The following DOCK4 variants were observed in gnomAD, a reference collection of about 807,000 sequenced individuals.
DOCK4 encodes the protein dedicator of cytokinesis protein 4.
A neutral mutation model predicts 268.1 loss-of-function variants in DOCK4; 97 were observed. That is an observed-to-expected ratio of 0.36 (90% CI 0.31 to 0.43). The LOEUF is 0.43. DOCK4 is among the 20% of genes least tolerant of loss of function. The pLI is 1.00. For missense variants in DOCK4, 2,145 were observed against 2,455.7 expected (o/e 0.87, Z 2.67); for synonymous variants, 954 against 887.2 (o/e 1.08, Z -1.34).
At chr7:111,970,041 G>A (rs1044690759) in intron 8 of DOCK4, among the ~76,000 whole-genome samples, 6 of 152,156 alleles carry the variant, frequency 3.9e-5, no homozygotes, top group East Asian at 3.9e-4. Flanking sequence ...GACGATCAGT[G>A]ATTTCCCCTC....
At chr7:112,023,779 CAACTT>C (rs1802542323) in intron 1 of DOCK4, 2 of 259,404 alleles carry the variant, frequency 7.7e-6, no homozygotes, top group South Asian at 4.2e-5. Flanking sequence ...AGAAAATCCT[CAACTT>C]ATCAATTAAT....
At chr7:111,889,279 A>AT (rs1231370047) in intron 16 of DOCK4, among the ~76,000 whole-genome samples, 1 of 152,178 alleles carries the variant, frequency 6.6e-6, no homozygotes, top group Non-Finnish European at 1.5e-5. Flanking sequence ...CAATTCTTCT[A>AT]TACCAAAGCC....
intron 1 of DOCK4, among the ~76,000 whole-genome samples, chr7:112,033,600 G>C (rs902069127): frequency 6.6e-6 from 1 of 152,086 alleles, no homozygotes; most frequent in Admixed American, 6.5e-5. Context: ...TTTCAGTTAG[G>C]ACTGTACTTA....
rs149453859 is a variant in DOCK4, at chr7:111,799,927, C to T, written c.3166+8894G>A. On this transcript the variant is annotated intron_variant, in intron 30 of 52. Coordinates refer to ENST00000428084, the MANE Select transcript of DOCK4 (RefSeq NM_001363540.2). ...CACTACTAATTGCAATAAAACTATA[C>T]ACTGTGTCACCCACAATGTGGAATT... Among the ~76,000 whole-genome samples, 72 of 152,228 alleles carry T rather than the reference C, an allele frequency of 4.7e-4. No individual in the cohort carries two copies. In the East Asian group the frequency reaches 0.013, roughly 27 times the overall value.
At chr7:111,853,936 G>GT (rs199822359) in intron 23 of DOCK4, among the ~76,000 whole-genome samples, 1,623 of 148,532 alleles carry the variant, frequency 0.011, 35 homozygotes, top group African/African-American at 0.037. Context: ...GTTGTTGTTT[G>GT]GTTTTTTTTT....
Position 111,784,780 on chromosome 7 carries a change from C to T in DOCK4, c.3402-657G>A, listed in dbSNP as rs186908281. 6.5e-4 allele frequency among the ~76,000 whole-genome samples: 99 copies of T among 152,254 alleles called. 1 individual carries two copies. The highest frequency in any genetic ancestry group is 1.3e-3 in the Admixed American group (20 of 15,294). The stretch of plus-strand genomic sequence containing the variant: ...TGGCAAAGGCTTTATGATTGAACTT[C>T]CCCCAAAAGATAAAAGCAAGAACAT... On this transcript the variant is annotated intron_variant, in intron 32 of 52. Transcript: ENST00000428084.
At position 111,769,688 on chromosome 7, in the gene DOCK4, C is replaced by T. The variant is rs752854005; in HGVS notation, c.3680-11G>A. The T allele has an allele frequency of 2.5e-6, 4 of 1,611,380 alleles. No individual in the cohort carries two copies. Among genetic ancestry groups the T allele is most frequent in the Admixed American group, 1.7e-5 (1 of 59,758 alleles). Reference sequence around the variant, plus strand: ...GGGTATATGCAGCTTCTGCAAGTCACGTGAGAAGACAATGATTGAGACAGG... The same window carrying T: ...GGGTATATGCAGCTTCTGCAAGTCATGTGAGAAGACAATGATTGAGACAGG... On this transcript the variant is annotated splice_polypyrimidine_tract_variant and intron_variant, in intron 36 of 52. Transcript: ENST00000428084.
chr7:112,028,217 A>T (rs1410295992), intron 1 of DOCK4, among the ~76,000 whole-genome samples: 1 of 152,222 alleles, frequency 6.6e-6, no homozygotes, highest in Non-Finnish European at 1.5e-5. Context: ...AAAAAGATTA[A>T]CCTGAAGAAG....
At chr7:111,820,973 T>C (rs1351395546) in intron 27 of DOCK4, 1 of 152,204 alleles carries the variant, frequency 6.6e-6, no homozygotes, top group East Asian at 1.9e-4. Context: ...TGAATAGATA[T>C]TTGATTCTAC....
rs148139614 is a variant in DOCK4, at chr7:112,142,663, T to C, written c.37+63439A>G. Among the ~76,000 whole-genome samples the C allele has an allele frequency of 3.6e-3, 542 of 152,308 alleles. 2 individuals carry two copies. The highest frequency in any genetic ancestry group is 0.012 in the African/African-American group (503 of 41,590). ...CATTTTTTAAAATTAAATGTTACAA[T>C]AGAAAGCTCACATGTATTCTTTACC... On this transcript the variant is annotated intron_variant, in intron 1 of 52. Transcript: ENST00000428084.
intron 16 of DOCK4, among the ~76,000 whole-genome samples, chr7:111,885,617 G>C (rs991185153): frequency 6.6e-6 from 1 of 152,220 alleles, no homozygotes; most frequent in Non-Finnish European, 1.5e-5. Flanking sequence ...TCTTGAAGCT[G>C]CTACTGGACT....
intron 1 of DOCK4, among the ~76,000 whole-genome samples, chr7:112,088,805 T>C (rs1173520756): frequency 6.6e-6 from 1 of 152,094 alleles, no homozygotes; most frequent in Non-Finnish European, 1.5e-5. Context: ...GAAGGTTCCT[T>C]AACCCCTTTG....
chr7:112,041,215 T>G (rs1399649987), intron 1 of DOCK4, among the ~76,000 whole-genome samples: 1 of 152,226 alleles, frequency 6.6e-6, no homozygotes, highest in Non-Finnish European at 1.5e-5. Context: ...TTATAATTCT[T>G]TTCAGAAGAG....
At chr7:112,146,935 T>C (rs1815566883) in intron 1 of DOCK4, among the ~76,000 whole-genome samples, 1 of 152,130 alleles carries the variant, frequency 6.6e-6, no homozygotes, top group African/African-American at 2.4e-5. Context: ...TAAAAATGTT[T>C]TAAATATTTA....
chr7:111,844,086 C>A (rs539489856), intron 25 of DOCK4, among the ~76,000 whole-genome samples: 1 of 152,126 alleles, frequency 6.6e-6, no homozygotes, highest in African/African-American at 2.4e-5. Flanking sequence ...ATCAGCCTGA[C>A]CAACATGGTG....
At chr7:111,992,789 A>G (rs772640583) in intron 5 of DOCK4, among the ~76,000 whole-genome samples, 1 of 152,172 alleles carries the variant, frequency 6.6e-6, no homozygotes, top group Non-Finnish European at 1.5e-5. Flanking sequence ...TATAACTCTT[A>G]TATCGGGTAT....
At chr7:112,196,615 T>G (rs1820471203) in intron 1 of DOCK4, among the ~76,000 whole-genome samples, 1 of 152,156 alleles carries the variant, frequency 6.6e-6, no homozygotes, top group Admixed American at 6.5e-5. Context: ...AAGTTGGATG[T>G]ATTGACCTGG....
intron 1 of DOCK4, among the ~76,000 whole-genome samples, chr7:112,101,992 G>A (rs1212809559): frequency 2.0e-5 from 3 of 151,954 alleles, no homozygotes; most frequent in Non-Finnish European, 2.9e-5. Context: ...ACAGGCACCC[G>A]CCACCACGCC....
chr7:111,761,788 A>G (rs984368968), intron 39 of DOCK4, among the ~76,000 whole-genome samples: 29 of 152,162 alleles, frequency 1.9e-4, no homozygotes, highest in African/African-American at 7.0e-4. Flanking sequence ...ATATATCATG[A>G]TCTTTTGAAA....
Sources: allele counts gnomAD v4.1 joint callset (sites outside exome capture counted in the v4.1 genomes callset), GRCh38; gene constraint gnomAD v4.1.1; transcripts MANE v1.5; gene names NCBI Gene and HGNC (gene_info 2026-07-23, HGNC 2026-07-21).